The following GRAMD4 variants were observed in gnomAD, a reference collection of about 807,000 sequenced individuals.
GRAMD4 encodes GRAM domain containing 4, also known as GRAM domain-containing protein 4.
In GRAMD4, 25 loss-of-function variants were observed where a neutral mutation model predicts 83.9. The observed-to-expected ratio is 0.30, with a 90% CI of 0.22 to 0.42. The LOEUF (loss-of-function observed/expected upper bound fraction) is 0.42. Among genes scored for constraint, GRAMD4 ranks in the 10% least tolerant of loss-of-function variants. The pLI, the probability that GRAMD4 is intolerant of heterozygous loss-of-function variation, is 1.00. For missense variants in GRAMD4, 593 were observed against 788.7 expected, an observed-to-expected ratio of 0.75 and a Z score of 2.97; for synonymous variants, 336 against 320.9, an observed-to-expected ratio of 1.05 and a Z score of -0.50.
At chr22:46,615,728 C>T, upstream of GRAMD4, among the ~76,000 whole-genome samples, 1 of 57,218 alleles carries the variant, frequency 1.7e-5, no homozygotes, top group African/African-American at 7.0e-5. Context: ...GTAGGTTCCC[C>T]CGTGTGTAGG....
intron 3 of GRAMD4, among the ~76,000 whole-genome samples, chr22:46,650,058 G>A (rs537752245): frequency 1.4e-3 from 209 of 152,316 alleles, no homozygotes; most frequent in African/African-American, 4.8e-3. Context: ...CTGGGTGTGC[G>A]GGCCTCCGGG....
intron 3 of GRAMD4, among the ~76,000 whole-genome samples, chr22:46,648,803 CATGGATGGATGG>C (rs34423766): frequency 1.5e-4 from 4 of 27,212 alleles, no homozygotes; most frequent in African/African-American, 3.3e-4. Flanking sequence ...TGGATGGATG[CATGGATGGATGG>C]ATGGATGGAT....
At chr22:46,655,523 A>G (rs912057748) in intron 3 of GRAMD4, among the ~76,000 whole-genome samples, 1 of 152,166 alleles carries the variant, frequency 6.6e-6, no homozygotes, top group African/African-American at 2.4e-5. Context: ...AAAGAACCCC[A>G]GATGTGTAGG....
At chr22:46,633,559 G>T (rs559812847) in intron 2 of GRAMD4, among the ~76,000 whole-genome samples, 1 of 152,204 alleles carries the variant, frequency 6.6e-6, no homozygotes, top group Non-Finnish European at 1.5e-5. Context: ...GCAACTGGGG[G>T]CTCTGGCCGG....
chr22:46,649,530 TA>T (rs2082134604), intron 3 of GRAMD4, among the ~76,000 whole-genome samples: 1 of 152,128 alleles, frequency 6.6e-6, no homozygotes, highest in East Asian at 1.9e-4. Context: ...TTTGACGTGG[TA>T]AAAATGTCAG....
At chr22:46,584,475 G>T (rs117260752) in intron 1 of GRAMD4, among the ~76,000 whole-genome samples, 1 of 152,106 alleles carries the variant, frequency 6.6e-6, no homozygotes, top group Non-Finnish European at 1.5e-5. Context: ...GATCTTTCTC[G>T]TCTCCTTTCT....
chr22:46,604,574 C>A (rs2081347255), intron 1 of GRAMD4, among the ~76,000 whole-genome samples: 1 of 152,230 alleles, frequency 6.6e-6, no homozygotes, highest in Non-Finnish European at 1.5e-5. Flanking sequence ...CCACCCCCGA[C>A]ACCTCCCAAT....
chr22:46,654,605 G>A (rs1020623261), intron 3 of GRAMD4, among the ~76,000 whole-genome samples: 2 of 152,190 alleles, frequency 1.3e-5, no homozygotes, highest in African/African-American at 4.8e-5. Context: ...TGATCCCCGT[G>A]TTAGGGCTGT....
chr22:46,673,705 C>A lies in GRAMD4; in HGVS notation c.1275C>A (p.Ser425Arg). ...QTTSSRSYVP[S>R]APAGLGKEED... ...CCTCGTCACGGAGCTACGTACCCAG[C>A]GCACCGGCCGGCCTGGGTAAAGAGG... Residue 425 changes from serine (S) to arginine (R), a missense_variant, in exon 15 of 19, where the codon AGC becomes AGA. By Grantham distance (110) the Ser-to-Arg change is moderately radical (BLOSUM62 -1). Transcript: ENST00000406902. 2 of 1,612,750 alleles carry A rather than the reference C, an allele frequency of 1.2e-6. No homozygotes were observed. The highest frequency in any genetic ancestry group is 1.7e-6 in the Non-Finnish European group (2 of 1,179,810).
chr22:46,676,101 G>A (rs533591120), intron 17 of GRAMD4, among the ~76,000 whole-genome samples: 34 of 152,338 alleles, frequency 2.2e-4, no homozygotes, highest in African/African-American at 3.4e-4. Flanking sequence ...AGCTCCGAGC[G>A]TCCTGGGCAT....
intron 1 of GRAMD4, among the ~76,000 whole-genome samples, chr22:46,623,804 CAG>C (rs1456712040): frequency 1.4e-5 from 2 of 140,932 alleles, no homozygotes; most frequent in Non-Finnish European, 3.1e-5. Context: ...TTTTTTTAAA[CAG>C]AGTCTTGCTC....
At chr22:46,664,144 AGGGT>A in intron 8 of GRAMD4, 27 bp downstream of exon 8, 1 of 1,299,924 alleles carries the variant, frequency 7.7e-7, no homozygotes, top group Non-Finnish European at 1.1e-6. Flanking sequence ...GGGGCCGAGC[AGGGT>A]GGGTGGGATG....
intron 3 of GRAMD4, among the ~76,000 whole-genome samples, chr22:46,639,153 A>AGTGT (rs3081630): frequency 0.15 from 22,972 of 149,598 alleles, 2,244 homozygotes; most frequent in East Asian, 0.47. Flanking sequence ...TGTGTGCGTG[A>AGTGT]GTGTGTGTGT....
intron 8 of GRAMD4, among the ~76,000 whole-genome samples, chr22:46,664,786 C>T (rs1008414489): frequency 6.6e-6 from 1 of 152,244 alleles, no homozygotes; most frequent in Admixed American, 6.5e-5. Flanking sequence ...GAGGCGTCCA[C>T]AGCCTGGCAC....
chr22:46,602,762 C>CTTCTT (rs2081323800), intron 1 of GRAMD4, among the ~76,000 whole-genome samples: 1 of 121,436 alleles, frequency 8.2e-6, no homozygotes, highest in Non-Finnish European at 1.6e-5. Flanking sequence ...CCATTTTTCT[C>CTTCTT]TTTTTTTTTT....
At chr22:46,654,505 C>T (rs894097654) in intron 3 of GRAMD4, among the ~76,000 whole-genome samples, 29 of 152,306 alleles carry the variant, frequency 1.9e-4, no homozygotes, top group Admixed American at 4.6e-4. Context: ...TCAAGTGGCT[C>T]CACGAGGGCG....
intron 1 of GRAMD4, among the ~76,000 whole-genome samples, chr22:46,591,160 G>A (rs899865979): frequency 3.9e-5 from 6 of 152,238 alleles, no homozygotes; most frequent in African/African-American, 1.4e-4. Context: ...TCTCAGCCGC[G>A]GGGTCCAGTG....
At chr22:46,652,797 G>A (rs960497046) in intron 3 of GRAMD4, among the ~76,000 whole-genome samples, 1 of 152,200 alleles carries the variant, frequency 6.6e-6, no homozygotes, top group African/African-American at 2.4e-5. Context: ...AGTTTGCTCC[G>A]GGCTGGAAAT....
At chr22:46,640,306 A>T (rs1009330026) in intron 3 of GRAMD4, among the ~76,000 whole-genome samples, 1 of 151,998 alleles carries the variant, frequency 6.6e-6, no homozygotes, top group East Asian at 1.9e-4. Context: ...ATCAACAGAG[A>T]CCCTCTGCTG....
Sources: allele counts gnomAD v4.1 joint callset (sites outside exome capture counted in the v4.1 genomes callset), GRCh38; gene constraint gnomAD v4.1.1; transcripts MANE v1.5; gene names NCBI Gene and HGNC (gene_info 2026-07-23, HGNC 2026-07-21).